PISD: variants seen among roughly 807,000 people sequenced by gnomAD.
The protein encoded by PISD is phosphatidylserine decarboxylase proenzyme, mitochondrial.
Under a neutral mutation model 43.5 loss-of-function variants are expected in PISD, and 31 were observed. The ratio of observed to expected loss-of-function variants is 0.71; its 90% confidence interval spans 0.54 to 0.96. The LOEUF is 0.96. Ranked by LOEUF, PISD falls within the 40% of genes least tolerant of loss-of-function variation. The pLI, the probability that PISD is intolerant of heterozygous loss-of-function variation, is 0.00. For synonymous variants in PISD, 259 were observed against 228.7 expected, an observed-to-expected ratio of 1.13 and a Z score of -1.20; for missense variants, 523 against 548.4, an observed-to-expected ratio of 0.95 and a Z score of 0.46.
At position 31,619,064 on chromosome 22, in the gene PISD, G is replaced by A. The variant is rs9287; in HGVS notation, c.*548C>T. On this transcript the variant is annotated 3_prime_UTR_variant, in exon 8 of 8. Coordinates refer to ENST00000439502, the MANE Select transcript of PISD (RefSeq NM_001326411.2). ...TGATGCGTTCAGCCACAAGCACAAA[G>A]ACTGCTTTTTCTAAAGAGCAGGATG... The A allele has an allele frequency of 6.3e-3, 1,485 of 235,766 alleles. 26 individuals carry two copies. Among genetic ancestry groups the A allele is most frequent in the African/African-American group, 0.032 (1,370 of 43,492 alleles). The allele number at this position is 235,766 out of a possible 1,614,324, so 14.6% of individuals were successfully genotyped here.
At chr22:31,662,045 G>A (rs1030300633) in intron 1 of PISD, 99 bp downstream of exon 1, 6 of 1,109,588 alleles carry the variant, frequency 5.4e-6, no homozygotes, top group Non-Finnish European at 6.7e-6. Flanking sequence ...ACCCGAGCTC[G>A]CCTCAGAGCG....
chr22:31,627,149 A>G (rs900526793), intron 3 of PISD, among the ~76,000 whole-genome samples: 1 of 152,222 alleles, frequency 6.6e-6, no homozygotes, highest in African/African-American at 2.4e-5. Flanking sequence ...CCAGGACAAT[A>G]AGGTGACTAA....
Position 31,621,011 on chromosome 22 carries a change from G to T in PISD, c.829C>A (p.Arg277=). ...HSPTDWTVSH[R]RHFPGSLMSV... Reference sequence around the variant, plus strand: ...CCGGGCTGACCTGGGAAGTGGCGCCGGTGGGACACAGTCCAGTCGGTGGGG... The same window carrying T: ...CCGGGCTGACCTGGGAAGTGGCGCCTGTGGGACACAGTCCAGTCGGTGGGG... Residue 277 remains arginine (R), a synonymous_variant, in exon 6 of 8, where the codon CGG becomes AGG. Transcript: ENST00000439502. The T allele has an allele frequency of 6.2e-7, 1 of 1,612,978 alleles. No homozygotes were observed. Among genetic ancestry groups the T allele is most frequent in the Non-Finnish European group, 8.5e-7 (1 of 1,179,534 alleles).
In PISD at chr22:31,621,837, C is replaced by T. The variant is rs764822389; in HGVS notation, c.370G>A (p.Gly124Ser). 2 of 1,612,474 alleles carry T rather than the reference C, an allele frequency of 1.2e-6. No homozygotes were observed. The highest frequency in any genetic ancestry group is 2.2e-5 in the East Asian group (1 of 44,880). ...VPTRLLSRAW[G>S]RLNQVELPHW... ...GGCAGCTCCACCTGATTGAGGCGAC[C>T]CCAGGCCCGTGACAGCAAGCGCGTT... Residue 124 changes from glycine (G) to serine (S), a missense_variant, in exon 4 of 8, where the codon GGT becomes AGT. Transcript: ENST00000439502.
chr22:31,662,146 G>A lies in PISD; in HGVS notation c.63C>T (p.Ser21=), dbSNP rs762443044. The A allele has an allele frequency of 3.7e-6, 6 of 1,607,398 alleles. No homozygotes were observed. The South Asian group carries it at 4.4e-5, about 12-fold the overall frequency. The change falls in exon 1 of 8, where the codon AGC becomes AGT. Residue 21 remains serine (S), a splice_region_variant and synonymous_variant. Transcript: ENST00000439502. Reference sequence around the variant, plus strand: ...GTAGTCTCTCCGCGCTGCTATACCTGCTCCGCCACGGCGCGACCCCGTGCA... The same window carrying A: ...GTAGTCTCTCCGCGCTGCTATACCTACTCCGCCACGGCGCGACCCCGTGCA... ...GLLHGVAPWR[S]SLHPCEITAL...
chr22:31,627,571 C>A (rs887130352), intron 3 of PISD, among the ~76,000 whole-genome samples: 1 of 152,226 alleles, frequency 6.6e-6, no homozygotes, highest in African/African-American at 2.4e-5. Flanking sequence ...AGGGGAAGCT[C>A]TTTCCCTGGT....
intron 3 of PISD, among the ~76,000 whole-genome samples, chr22:31,632,615 C>A (rs2073254408): frequency 6.6e-6 from 1 of 152,078 alleles, no homozygotes. Context: ...CTAAATGGTC[C>A]CAGTCTGAGT....
chr22:31,618,820 T>C lies in PISD; in HGVS notation c.*792A>G, dbSNP rs1257090848. The C allele has an allele frequency of 1.8e-5, 3 of 164,074 alleles. No homozygotes were observed. The highest frequency in any genetic ancestry group is 4.0e-5 in the Non-Finnish European group (3 of 75,702). The allele number at this position is 164,074 out of a possible 1,614,324, so 10.2% of individuals were successfully genotyped here. On this transcript the variant is annotated 3_prime_UTR_variant, in exon 8 of 8. Coordinates refer to ENST00000439502, the MANE Select transcript of PISD (RefSeq NM_001326411.2). ...CTTTCCCATATTTCATGTAGGGATA[T>C]GTGGAGGGGGACAGGAACTCTCCCA...
chr22:31,630,912 G>A lies in PISD; in HGVS notation c.322-9027C>T. The stretch of plus-strand genomic sequence containing the variant: ...CGGGCTCCAGCCACTCAGACTACCA[G>A]GGGCGGGGGCAGGAGGCCGACCCCA... On this transcript the variant is annotated intron_variant, in intron 3 of 7. Transcript: ENST00000439502. The surrounding 1 kb of genome is among the most constrained non-coding windows in gnomAD (Gnocchi z 4.4). 1.0e-6 allele frequency: 1 copy of A among 967,532 alleles called. No homozygotes were observed. The highest frequency in any genetic ancestry group is 1.2e-6 in the Non-Finnish European group (1 of 813,598). 59.9% of individuals were successfully genotyped at this position (967,532 alleles called of 1,614,324 possible).
chr22:31,625,898 A>C, intron 3 of PISD: 5 of 1,543,908 alleles, frequency 3.2e-6, no homozygotes, highest in Non-Finnish European at 4.4e-6. Flanking sequence ...CCGAGCCAGC[A>C]GATCTCCTGT....
chr22:31,656,649 AAAATAAATAAAT>A (rs59608474), intron 1 of PISD, among the ~76,000 whole-genome samples: 12 of 149,250 alleles, frequency 8.0e-5, no homozygotes, highest in Admixed American at 2.0e-4. Flanking sequence ...CTGCGTCTCA[AAAATAAATAAAT>A]AAATAAATAA....
chr22:31,658,855 C>CA (rs928479642), intron 1 of PISD, among the ~76,000 whole-genome samples: 3 of 118,610 alleles, frequency 2.5e-5, no homozygotes, highest in African/African-American at 9.2e-5. Context: ...TTTTCTTTTT[C>CA]TTTTTTTTTT....
At chr22:31,625,119 G>C (rs1050549787) in intron 3 of PISD, among the ~76,000 whole-genome samples, 3 of 152,342 alleles carry the variant, frequency 2.0e-5, no homozygotes, top group Non-Finnish European at 2.9e-5. Context: ...TCTCCCAGTT[G>C]CTGAGCAAAC....
chr22:31,661,292 C>T (rs1456798564), intron 1 of PISD, among the ~76,000 whole-genome samples: 1 of 152,182 alleles, frequency 6.6e-6, no homozygotes, highest in Non-Finnish European at 1.5e-5. Flanking sequence ...CTCTGATCAA[C>T]GCTGACAAAA....
intron 3 of PISD, chr22:31,625,872 C>A: frequency 1.3e-6 from 2 of 1,554,666 alleles, no homozygotes; most frequent in East Asian, 4.8e-5. Flanking sequence ...TTGTTTTCCT[C>A]TTTCCTCCCC....
chr22:31,628,442 C>A (rs1231555241), intron 3 of PISD, among the ~76,000 whole-genome samples: 1 of 152,224 alleles, frequency 6.6e-6, no homozygotes, highest in South Asian at 2.1e-4. Context: ...AGAAGGGTAT[C>A]CAGAATGGAG....
chr22:31,627,933 G>A lies in PISD; in HGVS notation c.322-6048C>T, dbSNP rs1344804521. 1.1e-5 allele frequency: 8 copies of A among 736,498 alleles called. No homozygotes were observed. In the Admixed American group the frequency reaches 4.4e-4, roughly 40 times the overall value. The allele number at this position is 736,498 out of a possible 1,614,324, so 45.6% of individuals were successfully genotyped here. Reference sequence around the variant, plus strand: ...CATGAGGCCAGGGGCCAGGTCAGATGCCCATCAGGGAAAGGTGAGCCCTGG... The same window carrying A: ...CATGAGGCCAGGGGCCAGGTCAGATACCCATCAGGGAAAGGTGAGCCCTGG... On this transcript the variant is annotated intron_variant, in intron 3 of 7. Transcript: ENST00000439502.
chr22:31,641,954 A>T (rs1269143802), intron 3 of PISD, among the ~76,000 whole-genome samples: 1 of 151,330 alleles, frequency 6.6e-6, no homozygotes, highest in Non-Finnish European at 1.5e-5. Context: ...TAGAAGCCAA[A>T]TGCATGCCAC....
rs368765878 is a variant in PISD, at chr22:31,638,510, G to A, written c.321+9591C>T. The A allele has an allele frequency of 3.7e-5, 36 of 985,410 alleles. No homozygotes were observed. In the East Asian group the frequency reaches 5.7e-4, roughly 16 times the overall value. The allele number at this position is 985,410 out of a possible 1,614,324, so 61.0% of individuals were successfully genotyped here. On this transcript the variant is annotated intron_variant, in intron 3 of 7. Coordinates refer to ENST00000439502, the MANE Select transcript of PISD (RefSeq NM_001326411.2). ...GAAACGCTTGTTGGCCAAGAAGACC[G>A]GCAGAGAGGAAATGACACAGCTGCC... is the stretch of plus-strand genomic sequence containing the variant.
Sources: gnomAD v4.1 joint callset for allele counts (sites outside exome capture counted in the v4.1 genomes callset) on GRCh38, gnomAD v4.1.1 for gene constraint, Gnocchi (gnomAD v3.1) non-coding constraint, MANE v1.5 for transcripts, NCBI Gene and HGNC (gene_info 2026-07-23, HGNC 2026-07-21) for gene names.